Variants in ZC3HAV1 observed in about 807,000 individuals in gnomAD.
ZC3HAV1 encodes zinc finger CCCH-type containing, antiviral 1, also known as zinc finger CCCH-type antiviral protein 1.
A neutral mutation model predicts 86.6 loss-of-function variants in ZC3HAV1; 41 were observed. The observed-to-expected ratio is 0.47, with a 90% CI of 0.37 to 0.61. ZC3HAV1 has a LOEUF of 0.61. Among genes scored for constraint, ZC3HAV1 ranks in the 20% least tolerant of loss-of-function variants. The pLI, the probability that ZC3HAV1 is intolerant of heterozygous loss-of-function variation, is 0.00. For synonymous variants in ZC3HAV1, 421 were observed against 432.1 expected (o/e 0.97, Z 0.32); for missense variants, 964 against 1,141.1 (o/e 0.84, Z 2.24).
At chr7:139,058,703 A>G (rs767611057) in intron 9 of ZC3HAV1, among the ~76,000 whole-genome samples, 28 of 152,186 alleles carry the variant, frequency 1.8e-4, no homozygotes, top group Non-Finnish European at 3.8e-4. Context: ...TGCTGTATTC[A>G]TGTGAATGAC....
At chr7:139,060,127 T>C (rs1268878690) in intron 9 of ZC3HAV1, among the ~76,000 whole-genome samples, 1 of 152,214 alleles carries the variant, frequency 6.6e-6, no homozygotes, top group Non-Finnish European at 1.5e-5. Context: ...GAGGCCCTGA[T>C]ATAGCTCAGT....
At chr7:139,068,057 ATTATTATT>A (rs1247972001) in intron 7 of ZC3HAV1, among the ~76,000 whole-genome samples, 1 of 125,260 alleles carries the variant, frequency 8.0e-6, no homozygotes, top group African/African-American at 3.1e-5. Context: ...TATTATTATT[ATTATTATT>A]ATTATTTTGA....
chr7:139,057,217 G>T (rs1338100089), intron 9 of ZC3HAV1, among the ~76,000 whole-genome samples: 1 of 151,976 alleles, frequency 6.6e-6, no homozygotes, highest in African/African-American at 2.4e-5. Flanking sequence ...AATTATCCAG[G>T]TGTGGTGGTG....
At chr7:139,057,910 T>C (rs923326317) in intron 9 of ZC3HAV1, among the ~76,000 whole-genome samples, 5 of 152,212 alleles carry the variant, frequency 3.3e-5, no homozygotes, top group African/African-American at 4.8e-5. Context: ...CTCATTAGAA[T>C]GAGAAAGATT....
At chr7:139,100,629 G>GAT (rs1252993048) in intron 1 of ZC3HAV1, among the ~76,000 whole-genome samples, 1 of 152,176 alleles carries the variant, frequency 6.6e-6, no homozygotes, top group Admixed American at 6.5e-5. Context: ...AAAAGCTGAC[G>GAT]ATACCACTTG....
chr7:139,058,071 C>G (rs988192082), intron 9 of ZC3HAV1, among the ~76,000 whole-genome samples: 1 of 152,040 alleles, frequency 6.6e-6, no homozygotes, highest in Non-Finnish European at 1.5e-5. Flanking sequence ...GGATAGTACC[C>G]CAGCCCTTAT....
chr7:139,069,069 T>C lies in ZC3HAV1; in HGVS notation c.1873-4070A>G, dbSNP rs137926771. ...GTAAGGATAAGTCCTTTTTGTGGTA[T>C]CTGAAAGTCAGTCATATCTGTGCTG... On this transcript the variant is annotated intron_variant, in intron 7 of 12. Coordinates refer to ENST00000242351, the MANE Select transcript of ZC3HAV1 (RefSeq NM_020119.4). 8.6e-3 allele frequency among the ~76,000 whole-genome samples: 1,303 copies of C among 152,312 alleles called. 9 individuals are homozygous for C. The highest frequency in any genetic ancestry group is 0.013 in the Non-Finnish European group (907 of 68,018).
intron 3 of ZC3HAV1, among the ~76,000 whole-genome samples, chr7:139,081,765 A>G (rs965572145): frequency 1.3e-5 from 2 of 152,248 alleles, no homozygotes; most frequent in Non-Finnish European, 2.9e-5. Context: ...ACTGTGAGGA[A>G]CAATGATGAA....
chr7:139,094,896 G>A (rs1475529702), intron 1 of ZC3HAV1, among the ~76,000 whole-genome samples: 1 of 152,056 alleles, frequency 6.6e-6, no homozygotes. Flanking sequence ...TGTTCACCTC[G>A]GAGCTCTTGC....
At chr7:139,082,939 A>G (rs1349229922) in intron 3 of ZC3HAV1, among the ~76,000 whole-genome samples, 7 of 152,198 alleles carry the variant, frequency 4.6e-5, no homozygotes, top group South Asian at 2.1e-4. Context: ...TGCATCAATA[A>G]TAAATTTTCT....
intron 7 of ZC3HAV1, among the ~76,000 whole-genome samples, chr7:139,069,076 GTCAGTCATA>G (rs1816693922): frequency 6.6e-6 from 1 of 152,158 alleles, no homozygotes. Context: ...GTATCTGAAA[GTCAGTCATA>G]TCTGTGCTGA....
chr7:139,094,569 C>A (rs1817527943), intron 1 of ZC3HAV1, among the ~76,000 whole-genome samples: 1 of 151,738 alleles, frequency 6.6e-6, no homozygotes, highest in African/African-American at 2.4e-5. Flanking sequence ...GAGCTCAGGC[C>A]AAAAGCCTAA....
At chr7:139,054,482 G>A (rs1477911665) in intron 10 of ZC3HAV1, among the ~76,000 whole-genome samples, 1 of 152,212 alleles carries the variant, frequency 6.6e-6, no homozygotes, top group Non-Finnish European at 1.5e-5. Context: ...GAATAGTTGT[G>A]ATCCAACTAG....
In ZC3HAV1 at chr7:139,097,401, C is replaced by CATAT. The variant is rs1183885767; in HGVS notation, c.309-7646_309-7643dup. Among the ~76,000 whole-genome samples, 138 of 63,842 alleles carry CATAT rather than the reference C, an allele frequency of 2.2e-3. 4 individuals are homozygous for CATAT. Among genetic ancestry groups the CATAT allele is most frequent in the African/African-American group, 6.1e-3 (74 of 12,142 alleles). 41.9% of individuals were successfully genotyped at this position (63,842 alleles called of 152,430 possible). ...TGGATGGAAACAAATATTGGAACTC[C>CATAT]ATATATATATATATATATATATATA... On this transcript the variant is annotated intron_variant, in intron 1 of 12. Coordinates refer to ENST00000242351, the MANE Select transcript of ZC3HAV1 (RefSeq NM_020119.4).
Position 139,109,020 on chromosome 7 carries a change from T to C in ZC3HAV1, c.308+4A>G. ...ACAGCGCCCCTCCCTCCGGGTGCACTCACCGCTCGGACTGCGAATAGTTGC... is the reference window on the plus strand; with the variant it reads ...ACAGCGCCCCTCCCTCCGGGTGCACCCACCGCTCGGACTGCGAATAGTTGC... On this transcript the variant is annotated splice_donor_region_variant and intron_variant, in intron 1 of 12. Coordinates refer to ENST00000242351, the MANE Select transcript of ZC3HAV1 (RefSeq NM_020119.4). 1 of 1,549,154 alleles carries C rather than the reference T, an allele frequency of 6.5e-7. No homozygotes were observed. Among genetic ancestry groups the C allele is most frequent in the Non-Finnish European group, 8.8e-7 (1 of 1,141,434 alleles).
chr7:139,074,675 A>G (rs950125633), intron 6 of ZC3HAV1, among the ~76,000 whole-genome samples: 11 of 151,438 alleles, frequency 7.3e-5, no homozygotes, highest in African/African-American at 2.7e-4. Context: ...TTATATATAA[A>G]TATGTAAATA....
intron 10 of ZC3HAV1, among the ~76,000 whole-genome samples, 196 bp downstream of exon 10, chr7:139,055,009 C>T (rs528302990): frequency 6.6e-5 from 10 of 152,180 alleles, no homozygotes; most frequent in South Asian, 4.1e-4. Flanking sequence ...AGGCTGGTTT[C>T]GAACTCCTGA....
At position 139,091,338 on chromosome 7, in the gene ZC3HAV1, A is replaced by G. The variant is rs187825463; in HGVS notation, c.309-1579T>C. On this transcript the variant is annotated intron_variant, in intron 1 of 12. Coordinates refer to ENST00000242351, the MANE Select transcript of ZC3HAV1 (RefSeq NM_020119.4). Reference sequence around the variant, plus strand: ...ACTGTGAAACCACGTGTCTACTAAAAATAGCTGTGGTCCCAGTTACTCGGG... The same window carrying G: ...ACTGTGAAACCACGTGTCTACTAAAGATAGCTGTGGTCCCAGTTACTCGGG... Among the ~76,000 whole-genome samples the G allele has an allele frequency of 4.6e-5, 7 of 152,200 alleles. No individual in the cohort carries two copies. The East Asian group carries it at 1.4e-3, about 30-fold the overall frequency.
chr7:139,075,520 C>T (rs1816915240), intron 6 of ZC3HAV1, among the ~76,000 whole-genome samples: 1 of 152,202 alleles, frequency 6.6e-6, no homozygotes, highest in Admixed American at 6.5e-5. Flanking sequence ...GCAGCCTCAA[C>T]TTCTTGGGCT....
Sources: allele counts gnomAD v4.1 joint callset (sites outside exome capture counted in the v4.1 genomes callset), GRCh38; gene constraint gnomAD v4.1.1; transcripts MANE v1.5; gene names NCBI Gene and HGNC (gene_info 2026-07-23, HGNC 2026-07-21).